The following NADK variants were observed in gnomAD, a reference collection of about 807,000 sequenced individuals.
NADK encodes the protein poly(P)/ATP NAD kinase.
In NADK, 22 loss-of-function variants were observed where a neutral mutation model predicts 49.8. The ratio of observed to expected loss-of-function variants is 0.44; its 90% CI spans 0.32 to 0.63. The LOEUF (loss-of-function observed/expected upper bound fraction) is 0.63, where lower values mean the gene tolerates loss of function less well. Among genes scored for constraint, NADK ranks in the 30% least tolerant of loss-of-function variants. The pLI is 0.06. For missense variants in NADK, 438 were observed against 609.4 expected (o/e 0.72, Z 2.96); for synonymous variants, 268 against 253.7 (o/e 1.06, Z -0.54).
chr1:1,765,219 C>CGG lies in NADK; in HGVS notation c.179+8_179+9insCC. On this transcript the variant is annotated intron_variant, in intron 2 of 11. Coordinates refer to ENST00000341426, the MANE Select transcript of NADK (RefSeq NM_023018.5). ...GAAAAAAAAGAGGAACCATCCCTCC[C>CGG]AGTTGTACCTGAACTCCTTGGTGCT... is the stretch of plus-strand genomic sequence containing the variant. The CGG allele has an allele frequency of 6.4e-7, 1 of 1,569,570 alleles. No individual in the cohort carries two copies. The highest frequency in any genetic ancestry group is 8.6e-7 in the Non-Finnish European group (1 of 1,160,920).
upstream of NADK, among the ~76,000 whole-genome samples, chr1:1,778,957 C>T (rs1646297241): frequency 6.6e-6 from 1 of 152,240 alleles, no homozygotes; most frequent in African/African-American, 2.4e-5. This position sits in a 1 kb window ranked among gnomAD's most constrained non-coding sequence, Gnocchi z 4.9. Flanking sequence ...GGCTGTGACA[C>T]GGTGTGGGCC....
rs149619378 is a variant in NADK at position 1,773,834 on chromosome 1, A to G, written c.-41+4455T>C. Among the ~76,000 whole-genome samples, 10 of 151,806 alleles carry G rather than the reference A, an allele frequency of 6.6e-5. No individual in the cohort carries two copies. In the East Asian group the frequency reaches 1.8e-3, roughly 27 times the overall value. ...GCAATTACAGCTTACTGCAGCCTCAATCTCCCAGGCTTAAGGGATCCTCCC... is the reference window on the plus strand; with the variant it reads ...GCAATTACAGCTTACTGCAGCCTCAGTCTCCCAGGCTTAAGGGATCCTCCC... On this transcript the variant is annotated intron_variant, in intron 1 of 11. Coordinates refer to ENST00000341426, the MANE Select transcript of NADK (RefSeq NM_023018.5).
At chr1:1,759,077 T>A in intron 3 of NADK, 1 of 1,506,418 alleles carries the variant, frequency 6.6e-7, no homozygotes, top group Non-Finnish European at 8.9e-7. Context: ...CCCCCTGCTC[T>A]CCCCGCCAAC....
At position 1,752,641 on chromosome 1, in the gene NADK, G is replaced by A. The variant is rs1171579764; in HGVS notation, c.*263C>T. ...GGAAATTGCGGCAGCTGGAGGCCGC[G>A]CTCCAGGGACCCACCGCGGGGTGTC... On this transcript the variant is annotated 3_prime_UTR_variant, in exon 12 of 12. Transcript: ENST00000341426. 7 of 384,892 alleles carry A rather than the reference G, an allele frequency of 1.8e-5. No individual in the cohort carries two copies. Among genetic ancestry groups the A allele is most frequent in the South Asian group, 8.5e-5 (1 of 11,814 alleles). The allele number at this position is 384,892 out of a possible 1,614,324, so 23.8% of individuals were successfully genotyped here.
chr1:1,774,369 T>C (rs1305782563), intron 1 of NADK, among the ~76,000 whole-genome samples: 1 of 152,172 alleles, frequency 6.6e-6, no homozygotes, highest in Non-Finnish European at 1.5e-5. Flanking sequence ...TAGCTGGGAC[T>C]ACAGGTGTGC....
At chr1:1,757,345 C>T (rs1174831824) in intron 3 of NADK, 35 bp from the exon 4 acceptor site, 8 of 1,539,474 alleles carry the variant, frequency 5.2e-6, no homozygotes, top group East Asian at 2.3e-5. Context: ...ACACCAGCTG[C>T]GATCTCCCTC....
intron 4 of NADK, 26 bp downstream of exon 4, chr1:1,757,155 G>T: frequency 7.7e-7 from 1 of 1,299,246 alleles, no homozygotes; most frequent in African/African-American, 1.5e-5. Context: ...TGCACCCCAG[G>T]CCCCCTTCCC....
intron 11 of NADK, among the ~76,000 whole-genome samples, chr1:1,753,299 G>C (rs1265334645): frequency 1.3e-5 from 2 of 152,178 alleles, no homozygotes; most frequent in Non-Finnish European, 2.9e-5. Flanking sequence ...TCAGGGGTGA[G>C]GTCCCAGGAG....
At chr1:1,780,204 A>G (rs551387175), upstream of NADK, 1 of 152,380 alleles carries the variant, frequency 6.6e-6, no homozygotes, top group Non-Finnish European at 1.5e-5. Context: ...GGCGGATAAG[A>G]TCATTAACAT....
Position 1,763,593 on chromosome 1 carries a change from TG to T in NADK, c.180-1559del, listed in dbSNP as rs1478708622. Among the ~76,000 whole-genome samples, 8 of 130,008 alleles carry T rather than the reference TG, an allele frequency of 6.2e-5. No homozygotes were observed. The Admixed American group carries it at 7.5e-4, about 12-fold the overall frequency. The allele number at this position is 130,008 out of a possible 152,430, so 85.3% of individuals were successfully genotyped here. ...TAGATCACACCACTGCACTCCAGCCTGGGCGACAGAGCAAGACTCCATCTCA... is the reference window on the plus strand; with the variant it reads ...TAGATCACACCACTGCACTCCAGCCTGGCGACAGAGCAAGACTCCATCTCA... On this transcript the variant is annotated intron_variant, in intron 2 of 11. Coordinates refer to ENST00000341426, the MANE Select transcript of NADK (RefSeq NM_023018.5).
intron 10 of NADK, 34 bp from the exon 11 acceptor site, chr1:1,753,683 A>C (rs1645406659): frequency 1.3e-6 from 2 of 1,560,162 alleles, no homozygotes; most frequent in Non-Finnish European, 1.8e-6. Flanking sequence ...GTGGGCCCCC[A>C]GCTGTGGGGA....
At chr1:1,772,628 A>G (rs1646085198) in intron 1 of NADK, among the ~76,000 whole-genome samples, 1 of 152,010 alleles carries the variant, frequency 6.6e-6, no homozygotes, top group African/African-American at 2.4e-5. Flanking sequence ...GTAACACTGC[A>G]TAGAGCCATA....
At chr1:1,763,199 T>C (rs1460023289) in intron 2 of NADK, among the ~76,000 whole-genome samples, 4 of 152,194 alleles carry the variant, frequency 2.6e-5, no homozygotes, top group African/African-American at 9.7e-5. Flanking sequence ...AATTGGTAAG[T>C]ACAGGCCGGG....
At chr1:1,757,085 G>C in intron 4 of NADK, 96 bp downstream of exon 4, 1 of 1,524,792 alleles carries the variant, frequency 6.6e-7, no homozygotes, top group Non-Finnish European at 8.9e-7. Context: ...CCCAGCACTT[G>C]AGGTGGTTCC....
rs765316336 is a variant in NADK, at chr1:1,754,417, G to A, written c.844-34C>T. On this transcript the variant is annotated intron_variant, in intron 8 of 11. Coordinates refer to ENST00000341426, the MANE Select transcript of NADK (RefSeq NM_023018.5). This position sits in a 1 kb window ranked among gnomAD's most constrained non-coding sequence, Gnocchi z 4.3. ...GCGACAGCATTGCACACTCAGGGCG[G>A]GGGATGCCGCACGGCTCGCAGACAC... 1.9e-6 allele frequency: 3 copies of A among 1,611,022 alleles called. No individual in the cohort carries two copies. In the Admixed American group the frequency reaches 5.0e-5, roughly 27 times the overall value.
At chr1:1,772,116 G>A (rs1306946170) in intron 1 of NADK, among the ~76,000 whole-genome samples, 1 of 151,354 alleles carries the variant, frequency 6.6e-6, no homozygotes, top group African/African-American at 2.4e-5. Context: ...GCTGGAAAAA[G>A]TCTTAGTGGT....
chr1:1,757,309 G>A lies in NADK; in HGVS notation c.265C>T (p.His89Tyr). ...CVLQNPQTIM[H>Y]IQDPASQRLT... ...CGCTGGCTCGCGGGGTCCTGAATGT[G>A]CCTTTAGGGGAGGAGAAAAGAGTTC... The change falls in exon 4 of 12, where the codon CAC becomes TAC. Residue 89 changes from histidine to tyrosine, a missense_variant and splice_region_variant. Transcript: ENST00000341426. 1 of 1,612,626 alleles carries A rather than the reference G, an allele frequency of 6.2e-7. No homozygotes were observed. Among genetic ancestry groups the A allele is most frequent in the Non-Finnish European group, 8.5e-7 (1 of 1,179,144 alleles).
rs550931323 is a variant in NADK at position 1,775,158 on chromosome 1, T to C, written c.-41+3131A>G. 2.7e-5 allele frequency among the ~76,000 whole-genome samples: 4 copies of C among 149,382 alleles called. No individual in the cohort carries two copies. The East Asian group carries it at 5.9e-4, about 22-fold the overall frequency. On this transcript the variant is annotated intron_variant, in intron 1 of 11. Transcript: ENST00000341426. ...ATTAGGAAGTTTTATTAGAAAAAAA[T>C]ACTAGAGCACAATAAGAAAATATTC...
intron 3 of NADK, among the ~76,000 whole-genome samples, chr1:1,760,607 G>C (rs80002433): frequency 0.044 from 6,699 of 152,244 alleles, 479 homozygotes; most frequent in African/African-American, 0.15. Flanking sequence ...CTGCGCGCTG[G>C]AACACTCGGC....
Sources: allele counts gnomAD v4.1 joint callset (sites outside exome capture counted in the v4.1 genomes callset), GRCh38; gene constraint gnomAD v4.1.1; non-coding constraint Gnocchi (gnomAD v3.1); transcripts MANE v1.5; gene names NCBI Gene and HGNC (gene_info 2026-07-23, HGNC 2026-07-21).